Variants in GTPBP1 observed in about 807,000 individuals in gnomAD.
The protein encoded by GTPBP1 is GTP-binding protein 1.
Under a neutral mutation model 62.0 loss-of-function variants are expected in GTPBP1, and 23 were observed. The ratio of observed to expected loss-of-function variants is 0.37; its 90% CI spans 0.27 to 0.53. The LOEUF (loss-of-function observed/expected upper bound fraction) is 0.53, where lower values mean the gene tolerates loss of function less well. Ranked by LOEUF, GTPBP1 falls within the 20% of genes least tolerant of loss-of-function variation. The pLI is 0.89. For synonymous variants in GTPBP1, 344 were observed against 364.4 expected (o/e 0.94, Z 0.64); for missense variants, 640 against 917.3 (o/e 0.70, Z 3.90).
At chr22:38,740,137 G>A, downstream of GTPBP1, 1 of 1,322,636 alleles carries the variant, frequency 7.6e-7, no homozygotes, top group African/African-American at 1.5e-5. This position sits in a 1 kb window ranked among gnomAD's most constrained non-coding sequence, Gnocchi z 4.8. Context: ...CATGTGTCAA[G>A]GCCAACGCCA....
At chr22:38,736,141 G>A, downstream of GTPBP1, 1 of 935,510 alleles carries the variant, frequency 1.1e-6, no homozygotes, top group Non-Finnish European at 1.7e-6. Context: ...CTTTTCATCT[G>A]CATGGGGCCA....
At chr22:38,735,854 C>A, downstream of GTPBP1, 1 of 172,780 alleles carries the variant, frequency 5.8e-6, no homozygotes, top group Non-Finnish European at 1.3e-5. Flanking sequence ...GCTTCCTTGC[C>A]CAGGGGCAGA....
chr22:38,728,152 C>T lies in GTPBP1; in HGVS notation c.1707C>T (p.Thr569=), dbSNP rs1214785577. The change falls in exon 10 of 12, where the codon ACC becomes ACT. Residue 569 remains threonine (T), a synonymous_variant. Coordinates refer to ENST00000216044, the MANE Select transcript of GTPBP1 (RefSeq NM_004286.5). ...FREGRTKAVG[T]ITKLLQTTNN... is the part of the protein sequence containing the mutation. ...AAGGCCGCACCAAGGCTGTCGGCAC[C>T]ATCACCAAGGTATGGCCAGGACAGA... 1 of 1,612,592 alleles carries T rather than the reference C, an allele frequency of 6.2e-7. No homozygotes were observed. The highest frequency in any genetic ancestry group is 8.5e-7 in the Non-Finnish European group (1 of 1,178,938).
Position 38,705,975 on chromosome 22 carries a change from G to A in GTPBP1, c.20G>A (p.Arg7His), listed in dbSNP as rs774067054. 6 of 1,446,140 alleles carry A rather than the reference G, an allele frequency of 4.1e-6. No homozygotes were observed. The highest frequency in any genetic ancestry group is 3.0e-5 in the East Asian group (1 of 33,546). The allele number at this position is 1,446,140 out of a possible 1,614,324, so 89.6% of individuals were successfully genotyped here. ...TTAAAGATGGCGACGGAGCGCAGTC[G>A]CTCCGCGATGGACTCGCCGGTCCCG... MATERS[R>H]SAMDSPVPAS... is the part of the protein sequence containing the mutation. Residue 7 changes from arginine to histidine, a missense_variant, in exon 1 of 12, where the codon CGC (arginine) becomes CAC (histidine). By Grantham distance (29) the Arg-to-His change is conservative. This residue lies in a region of GTPBP1 where 215 missense variants were observed against 235.1 expected (regional missense o/e 0.91). Transcript: ENST00000216044.
Position 38,706,054 on chromosome 22 carries a change from G to A in GTPBP1, c.99G>A (p.Ala33=). 1.5e-6 allele frequency: 2 copies of A among 1,370,498 alleles called. No homozygotes were observed. The highest frequency in any genetic ancestry group is 3.1e-5 in the South Asian group (2 of 63,500). The allele number at this position is 1,370,498 out of a possible 1,614,324, so 84.9% of individuals were successfully genotyped here. ...CCCCGGGGGCGGCCAGGGCCGCGGC[G>A]GCCGCCGCCCGACTCCACGGCGGCT... ...PSSPGAARAA[A]AAARLHGGFD... is the part of the protein sequence containing the mutation. The change falls in exon 1 of 12, where the codon GCG becomes GCA. Residue 33 remains alanine, a synonymous_variant. Transcript: ENST00000216044.
Position 38,716,098 on chromosome 22 carries a change from C to G in GTPBP1, c.485+11C>G, listed in dbSNP as rs371668519. ...CTTCCTGGAGGTCAGGTGAGGAGGCCGCGGGACATTTTGGGGTCCCCATTC... is the reference window on the plus strand; with the variant it reads ...CTTCCTGGAGGTCAGGTGAGGAGGCGGCGGGACATTTTGGGGTCCCCATTC... On this transcript the variant is annotated intron_variant, in intron 3 of 11. Coordinates refer to ENST00000216044, the MANE Select transcript of GTPBP1 (RefSeq NM_004286.5). This position sits in a 1 kb window ranked among gnomAD's most constrained non-coding sequence, Gnocchi z 5.2. 1.3e-6 allele frequency: 2 copies of G among 1,567,200 alleles called. No individual in the cohort carries two copies. Among genetic ancestry groups the G allele is most frequent in the Non-Finnish European group, 1.7e-6 (2 of 1,155,356 alleles).
chr22:38,734,964 C>T, downstream of GTPBP1: 1 of 268,700 alleles, frequency 3.7e-6, no homozygotes, highest in Non-Finnish European at 7.4e-6. Flanking sequence ...TTCCCCGCAG[C>T]CAGACCACCA....
In GTPBP1 at chr22:38,727,073, G is replaced by T; in HGVS notation, c.1402-140G>T. 1 of 730,954 alleles carries T rather than the reference G, an allele frequency of 1.4e-6. No individual in the cohort carries two copies. The allele number at this position is 730,954 out of a possible 1,614,324, so 45.3% of individuals were successfully genotyped here. A position where few individuals can be genotyped will look rare whatever the true frequency, so the allele number is the denominator to read the frequency against. On this transcript the variant is annotated intron_variant, in intron 8 of 11. Transcript: ENST00000216044. This position sits in a 1 kb window ranked among gnomAD's most constrained non-coding sequence, Gnocchi z 6.5. ...GGTGCTCGTGCTGTCCACCCTAGAAGGCCTGTGGTCCAGTTGGTGAGGAAA... is the reference window on the plus strand; with the variant it reads ...GGTGCTCGTGCTGTCCACCCTAGAATGCCTGTGGTCCAGTTGGTGAGGAAA...
chr22:38,707,896 T>C (rs1345621598), intron 1 of GTPBP1, among the ~76,000 whole-genome samples: 5 of 152,288 alleles, frequency 3.3e-5, no homozygotes, highest in African/African-American at 1.2e-4. Flanking sequence ...AAGCGAAAGG[T>C]TCATGTCCTT....
At position 38,721,974 on chromosome 22, in the gene GTPBP1, T is replaced by A. The variant is rs903199605; in HGVS notation, c.958+109T>A. ...TTAGCCCAGAAACTTCTTTTCTTTT[T>A]TATTTTTATTTTTTTATTTTACAAT... On this transcript the variant is annotated intron_variant, in intron 5 of 11. Coordinates refer to ENST00000216044, the MANE Select transcript of GTPBP1 (RefSeq NM_004286.5). 6 of 596,536 alleles carry A rather than the reference T, an allele frequency of 1.0e-5. No individual in the cohort carries two copies. The South Asian group carries it at 2.0e-4, about 20-fold the overall frequency. 37.0% of individuals were successfully genotyped at this position (596,536 alleles called of 1,614,324 possible).
chr22:38,724,580 G>T (rs145349776), intron 6 of GTPBP1, among the ~76,000 whole-genome samples, 169 bp downstream of exon 6: 3 of 152,060 alleles, frequency 2.0e-5, no homozygotes, highest in African/African-American at 7.2e-5. Context: ...CAATCTTAGC[G>T]CAGGGTCTCC....
At position 38,716,024 on chromosome 22, in the gene GTPBP1, G is replaced by T. The variant is rs1569278214; in HGVS notation, c.422G>T (p.Gly141Val). The part of the protein sequence containing the change: ...VILLRERQEA[G>V]GRVRDYLVRK... ...CTTCTGCGGGAACGGCAAGAAGCTG[G>T]GGGCCGCGTGCGTGATTACCTGGTC... Residue 141 changes from glycine to valine, a missense_variant, in exon 3 of 12, where the codon GGG (glycine) becomes GTG (valine). By Grantham distance (109) the Gly-to-Val change is moderately radical. Around this residue, in one of 4 missense-constraint regions of GTPBP1, gnomAD observed 215 missense variants for 235.1 expected, o/e 0.91. Transcript: ENST00000216044. This position sits in a 1 kb window ranked among gnomAD's most constrained non-coding sequence, Gnocchi z 5.2. 6.2e-7 allele frequency: 1 copy of T among 1,614,006 alleles called. No individual in the cohort carries two copies. Among genetic ancestry groups the T allele is most frequent in the African/African-American group, 1.3e-5 (1 of 75,030 alleles).
At chr22:38,734,028 C>G, downstream of GTPBP1, 1 of 251,962 alleles carries the variant, frequency 4.0e-6, no homozygotes, top group Non-Finnish European at 8.0e-6. Context: ...CAGCTGTCTC[C>G]CAAGAGGCTG....
chr22:38,727,472 T>C lies in GTPBP1; in HGVS notation c.1537+124T>C. 1.1e-6 allele frequency: 1 copy of C among 892,582 alleles called. No individual in the cohort carries two copies. The highest frequency in any genetic ancestry group is 2.9e-5 in the Admixed American group (1 of 34,272). 55.3% of individuals were successfully genotyped at this position (892,582 alleles called of 1,614,324 possible). ...GGTGGTAGGCCTCCTTCCTGTTTAG[T>C]GATGCCGTTCCTTCTGTTCTACCCA... is the stretch of plus-strand genomic sequence containing the variant. On this transcript the variant is annotated intron_variant, in intron 9 of 11. Coordinates refer to ENST00000216044, the MANE Select transcript of GTPBP1 (RefSeq NM_004286.5). The surrounding 1 kb of genome is among the most constrained non-coding windows in gnomAD (Gnocchi z 6.5).
chr22:38,708,054 G>T (rs2092616527), intron 1 of GTPBP1, among the ~76,000 whole-genome samples: 1 of 152,190 alleles, frequency 6.6e-6, no homozygotes, highest in African/African-American at 2.4e-5. Context: ...ATTGAGCTGT[G>T]GACTAGATGC....
intron 4 of GTPBP1, 130 bp from the exon 5 acceptor site, chr22:38,721,612 A>G (rs2092701138): frequency 1.4e-6 from 1 of 693,090 alleles, no homozygotes; most frequent in South Asian, 2.3e-5. Flanking sequence ...GCCCCACATC[A>G]TCGAGTCAGG....
At chr22:38,739,505 A>AC, downstream of GTPBP1, 1 of 1,513,240 alleles carries the variant, frequency 6.6e-7, no homozygotes, top group Non-Finnish European at 9.1e-7. The surrounding 1 kb of genome is among the most constrained non-coding windows in gnomAD (Gnocchi z 6.7). Flanking sequence ...TGGGCCAAGG[A>AC]CCCATGGGCT....
chr22:38,729,589 C>A lies in GTPBP1; in HGVS notation c.1844C>A (p.Ala615Glu). The change falls in exon 11 of 12, where the codon GCA (alanine) becomes GAA (glutamate). Residue 615 changes from alanine (A) to glutamate (E), a missense_variant. Physicochemically the swap from Ala to Glu is moderately radical, Grantham distance 107 (BLOSUM62 -1). Transcript: ENST00000216044. ...CCGTCTGGTGGGCCAGCAGTAGGAG[C>A]ACCCCCACCTGGAGATGAAGCCTCC... is the stretch of plus-strand genomic sequence containing the variant. ...GGPSGGPAVGAPPPGDEASSV... is the reference protein window; with the variant it reads ...GGPSGGPAVGEPPPGDEASSV... The A allele has an allele frequency of 6.3e-7, 1 of 1,576,648 alleles. No individual in the cohort carries two copies. The highest frequency in any genetic ancestry group is 8.6e-7 in the Non-Finnish European group (1 of 1,163,124).
chr22:38,727,469 T>G lies in GTPBP1; in HGVS notation c.1537+121T>G, dbSNP rs150785717. 7 of 911,608 alleles carry G rather than the reference T, an allele frequency of 7.7e-6. No homozygotes were observed. The highest frequency in any genetic ancestry group is 5.7e-5 in the East Asian group (2 of 35,260). 56.5% of individuals were successfully genotyped at this position (911,608 alleles called of 1,614,324 possible). A position where few individuals can be genotyped will look rare whatever the true frequency, so the allele number is the denominator to read the frequency against. Reference sequence around the variant, plus strand: ...CTGGGTGGTAGGCCTCCTTCCTGTTTAGTGATGCCGTTCCTTCTGTTCTAC... The same window carrying G: ...CTGGGTGGTAGGCCTCCTTCCTGTTGAGTGATGCCGTTCCTTCTGTTCTAC... On this transcript the variant is annotated intron_variant, in intron 9 of 11. Coordinates refer to ENST00000216044, the MANE Select transcript of GTPBP1 (RefSeq NM_004286.5). This position sits in a 1 kb window ranked among gnomAD's most constrained non-coding sequence, Gnocchi z 6.5.
Sources: allele counts gnomAD v4.1 joint callset (sites outside exome capture counted in the v4.1 genomes callset), GRCh38; gene constraint gnomAD v4.1.1; regional missense constraint gnomAD v4.1.1; non-coding constraint Gnocchi (gnomAD v3.1); transcripts MANE v1.5; gene names NCBI Gene and HGNC (gene_info 2026-07-23, HGNC 2026-07-21).